Variants in COL8A1 observed in about 807,000 individuals in gnomAD.
COL8A1 encodes collagen alpha-1(VIII) chain.
A neutral mutation model predicts 42.7 loss-of-function variants in COL8A1; 21 were observed. The ratio of observed to expected loss-of-function variants is 0.49; its 90% CI spans 0.35 to 0.71. The LOEUF is 0.71. Among genes scored for constraint, COL8A1 ranks in the 30% least tolerant of loss-of-function variants. The probability of loss-of-function intolerance (pLI) is 0.01; values close to 1 mark genes in which losing one functional copy is unlikely to be tolerated. For synonymous variants in COL8A1, 367 were observed against 369.1 expected (o/e 0.99, Z 0.06); for missense variants, 788 against 962.4 (o/e 0.82, Z 2.40).
At chr3:99,733,696 C>T (rs1392645151) in intron 1 of COL8A1, among the ~76,000 whole-genome samples, 21 of 150,282 alleles carry the variant, frequency 1.4e-4, no homozygotes, top group African/African-American at 3.2e-4. Context: ...ATGGTATTTC[C>T]AGTTCTAGAT....
intron 1 of COL8A1, among the ~76,000 whole-genome samples, chr3:99,686,963 C>T (rs1268040886): frequency 6.6e-6 from 1 of 152,196 alleles, no homozygotes; most frequent in Non-Finnish European, 1.5e-5. Flanking sequence ...CCCTGCCTCC[C>T]TCCCAAAGTG....
intron 1 of COL8A1, among the ~76,000 whole-genome samples, chr3:99,677,304 C>T (rs1363228488): frequency 6.6e-6 from 1 of 151,980 alleles, no homozygotes; most frequent in East Asian, 1.9e-4. Flanking sequence ...TTTTAATAAT[C>T]CAGTGTCCAA....
At chr3:99,790,144 T>C (rs572808264) in intron 2 of COL8A1, among the ~76,000 whole-genome samples, 45 of 152,334 alleles carry the variant, frequency 3.0e-4, no homozygotes, top group African/African-American at 9.6e-4. Context: ...TGAGGTTTAT[T>C]CTAGCTCGTT....
intron 2 of COL8A1, among the ~76,000 whole-genome samples, chr3:99,747,398 G>A (rs1941048593): frequency 1.3e-5 from 2 of 152,150 alleles, no homozygotes; most frequent in East Asian, 1.9e-4. Flanking sequence ...AGCTATTAAT[G>A]TGTCTCTTGG....
chr3:99,737,161 A>C (rs1940748035), intron 1 of COL8A1, among the ~76,000 whole-genome samples: 1 of 152,188 alleles, frequency 6.6e-6, no homozygotes, highest in Non-Finnish European at 1.5e-5. Flanking sequence ...AACACAGCAC[A>C]CTGATGCGAC....
At position 99,797,747 on chromosome 3, in the gene COL8A1, G is replaced by A. The variant is rs916780394; in HGVS notation, c.*1611G>A. ...AGAACTGTTTCCTTAGAAGCGGACT[G>A]TGGAAGGGCTATGTAGAATGTCAAA... On this transcript the variant is annotated 3_prime_UTR_variant, in exon 4 of 4. Transcript: ENST00000652472. 14 of 152,240 alleles carry A rather than the reference G, an allele frequency of 9.2e-5. No homozygotes were observed. The highest frequency in any genetic ancestry group is 3.1e-4 in the African/African-American group (13 of 41,466). The allele number at this position is 152,240 out of a possible 1,614,324, so 9.4% of individuals were successfully genotyped here. A position where few individuals can be genotyped will look rare whatever the true frequency, so the allele number is the denominator to read the frequency against.
intron 2 of COL8A1, among the ~76,000 whole-genome samples, chr3:99,774,602 T>G (rs960458843): frequency 6.6e-6 from 1 of 152,134 alleles, no homozygotes; most frequent in Non-Finnish European, 1.5e-5. Context: ...AAGCCCAACA[T>G]GTGTGTTGGG....
intron 1 of COL8A1, among the ~76,000 whole-genome samples, chr3:99,641,949 T>C (rs1033449127): frequency 2.6e-5 from 4 of 152,218 alleles, no homozygotes; most frequent in Non-Finnish European, 5.9e-5. Context: ...TTAGAGAATC[T>C]TTCTTTTTAG....
At chr3:99,755,170 T>G (rs1483824262) in intron 2 of COL8A1, among the ~76,000 whole-genome samples, 2 of 152,068 alleles carry the variant, frequency 1.3e-5, no homozygotes, top group African/African-American at 4.8e-5. Context: ...CAAAGGAAAT[T>G]GAAGCAAAGA....
At chr3:99,790,393 G>A (rs763249868) in intron 2 of COL8A1, among the ~76,000 whole-genome samples, 9 of 152,170 alleles carry the variant, frequency 5.9e-5, no homozygotes, top group Non-Finnish European at 1.2e-4. Context: ...AGGTGAAGAC[G>A]GGAAAACAGG....
chr3:99,664,543 C>A (rs554084143), intron 1 of COL8A1, among the ~76,000 whole-genome samples: 18 of 152,218 alleles, frequency 1.2e-4, no homozygotes, highest in South Asian at 4.2e-4. Context: ...TCTTTCTTCT[C>A]TCCCACCAAC....
Position 99,796,130 on chromosome 3 carries a change from C to A in COL8A1, c.2229C>A (p.Pro743=). The A allele has an allele frequency of 6.9e-7, 1 of 1,450,072 alleles. No homozygotes were observed. The highest frequency in any genetic ancestry group is 1.7e-5 in the South Asian group (1 of 59,416). 89.8% of individuals were successfully genotyped at this position (1,450,072 alleles called of 1,614,324 possible). A position where few individuals can be genotyped will look rare whatever the true frequency, so the allele number is the denominator to read the frequency against. The change falls in exon 4 of 4, where the codon CCC becomes CCA. Residue 743 remains proline (P), a synonymous_variant. Coordinates refer to ENST00000652472, the MANE Select transcript of COL8A1 (RefSeq NM_020351.4). ...HSSFSGYLLY[P]M ...CCTTTTCAGGATATTTATTGTATCC[C>A]ATGTAAAAACAAAAAAACAAAAAAC... is the stretch of plus-strand genomic sequence containing the variant.
intron 2 of COL8A1, 44 bp from the exon 3 acceptor site, chr3:99,790,635 GC>G: frequency 6.5e-7 from 1 of 1,538,264 alleles, no homozygotes. Flanking sequence ...AAGTCACTTG[GC>G]CTTGCAGAGT....
At chr3:99,721,355 A>C (rs1267902612) in intron 1 of COL8A1, among the ~76,000 whole-genome samples, 1 of 139,688 alleles carries the variant, frequency 7.2e-6, no homozygotes, top group African/African-American at 2.7e-5. Context: ...GTGGCACAGA[A>C]GCCACAATTT....
At chr3:99,681,127 A>G (rs1163626842) in intron 1 of COL8A1, among the ~76,000 whole-genome samples, 1 of 152,390 alleles carries the variant, frequency 6.6e-6, no homozygotes, top group South Asian at 2.1e-4. Flanking sequence ...ACAAAAGCCA[A>G]AATTGACAAA....
chr3:99,777,429 T>C (rs1941714691), intron 2 of COL8A1, among the ~76,000 whole-genome samples: 1 of 152,128 alleles, frequency 6.6e-6, no homozygotes, highest in African/African-American at 2.4e-5. Context: ...GTAAAATAAA[T>C]TGCAGACTGC....
At chr3:99,657,672 A>G (rs1052087464) in intron 1 of COL8A1, among the ~76,000 whole-genome samples, 1 of 152,168 alleles carries the variant, frequency 6.6e-6, no homozygotes, top group African/African-American at 2.4e-5. Context: ...CTGATACAGT[A>G]GAGGAGCTAT....
At chr3:99,726,325 G>A (rs1940324664) in intron 1 of COL8A1, among the ~76,000 whole-genome samples, 1 of 151,668 alleles carries the variant, frequency 6.6e-6, no homozygotes, top group African/African-American at 2.4e-5. Flanking sequence ...TTTGTCATAT[G>A]AGTAGGTTGT....
At chr3:99,676,964 T>C (rs1453019368) in intron 1 of COL8A1, among the ~76,000 whole-genome samples, 1 of 151,834 alleles carries the variant, frequency 6.6e-6, no homozygotes, top group Non-Finnish European at 1.5e-5. Context: ...ACACCTGTAA[T>C]GCCACCACTT....
Sources: gnomAD v4.1 joint callset for allele counts (sites outside exome capture counted in the v4.1 genomes callset) on GRCh38, gnomAD v4.1.1 for gene constraint, MANE v1.5 for transcripts, NCBI Gene and HGNC (gene_info 2026-07-23, HGNC 2026-07-21) for gene names.